The following LMNTD1 variants were observed in gnomAD, a reference collection of about 807,000 sequenced individuals.
LMNTD1 encodes lamin tail domain-containing protein 1.
LMNTD1 carries 35 observed loss-of-function variants against 50.9 expected under a neutral mutation model. The observed-to-expected ratio is 0.69, with a 90% CI of 0.53 to 0.91. LMNTD1 has a LOEUF of 0.91. LMNTD1 is among the 40% of genes least tolerant of loss of function. The pLI is 0.00. For synonymous variants in LMNTD1, 153 were observed against 161.9 expected, an observed-to-expected ratio of 0.94 and a Z score of 0.42; for missense variants, 470 against 475.5, an observed-to-expected ratio of 0.99 and a Z score of 0.11.
chr12:25,616,035 G>A (rs78377384), intron 1 of LMNTD1, among the ~76,000 whole-genome samples: 3,419 of 151,804 alleles, frequency 0.023, 103 homozygotes, highest in African/African-American at 0.071. Context: ...TCCTCATGAA[G>A]TCTACTTCTA....
intron 4 of LMNTD1, among the ~76,000 whole-genome samples, chr12:25,542,948 A>G (rs1943194324): frequency 6.6e-6 from 1 of 151,854 alleles, no homozygotes; most frequent in Non-Finnish European, 1.5e-5. Context: ...GAGAAAGGTG[A>G]TACCAATAAA....
chr12:25,565,824 C>T (rs922899532), intron 1 of LMNTD1, among the ~76,000 whole-genome samples: 1 of 152,140 alleles, frequency 6.6e-6, no homozygotes, highest in African/African-American at 2.4e-5. Flanking sequence ...GTCTTTATTT[C>T]TCCTTCATGT....
rs548803205 is a variant in LMNTD1, at chr12:25,642,002, G to A, written c.58+6492C>T. ...GTCAGAAATTCTAAAACTCAATTCA[G>A]CAACCCAAGAGTTTTCCTTACTGTA... is the stretch of plus-strand genomic sequence containing the variant. On this transcript the variant is annotated intron_variant, in intron 1 of 7. Transcript: ENST00000445693. 2.4e-4 allele frequency among the ~76,000 whole-genome samples: 37 copies of A among 152,158 alleles called. No homozygotes were observed. The South Asian group carries it at 7.7e-3, about 32-fold the overall frequency.
intron 4 of LMNTD1, among the ~76,000 whole-genome samples, chr12:25,533,115 A>C (rs1173562852): frequency 6.6e-6 from 1 of 152,194 alleles, no homozygotes; most frequent in Non-Finnish European, 1.5e-5. Context: ...TGTCTGAAGG[A>C]AAAAACAACA....
intron 1 of LMNTD1, among the ~76,000 whole-genome samples, chr12:25,574,655 C>T (rs1017011787): frequency 2.2e-4 from 33 of 152,062 alleles, no homozygotes; most frequent in African/African-American, 7.7e-4. Flanking sequence ...CTTGCTATTC[C>T]GTCCCCCAGT....
At chr12:25,506,169 T>A (rs1342859425) in intron 8 of LMNTD1, among the ~76,000 whole-genome samples, 6 of 152,254 alleles carry the variant, frequency 3.9e-5, no homozygotes, top group Non-Finnish European at 8.8e-5. Context: ...GAGCTCACAT[T>A]GATGAGATTT....
intron 1 of LMNTD1, among the ~76,000 whole-genome samples, chr12:25,575,421 C>T (rs1944963302): frequency 2.0e-5 from 3 of 152,130 alleles, no homozygotes; most frequent in Admixed American, 2.0e-4. Flanking sequence ...ATAAATGCTT[C>T]CATAAGAGAT....
rs1393259555 is a variant in LMNTD1 at position 25,594,400 on chromosome 12, C to T, written c.59-47846G>A. On this transcript the variant is annotated intron_variant, in intron 1 of 7. Coordinates refer to the LMNTD1 transcript ENST00000445693. ...CCCTATGAGCTAGAAGGGATTGGGG[C>T]CCTATCTTCAGCCTCCTCAAACAAA... is the stretch of plus-strand genomic sequence containing the variant. Among the ~76,000 whole-genome samples, 13 of 152,128 alleles carry T rather than the reference C, an allele frequency of 8.5e-5. No homozygotes were observed. The East Asian group carries it at 2.3e-3, about 27-fold the overall frequency.
intron 1 of LMNTD1, among the ~76,000 whole-genome samples, chr12:25,615,653 G>A (rs1393301454): frequency 2.0e-5 from 3 of 152,084 alleles, no homozygotes; most frequent in Admixed American, 1.3e-4. Flanking sequence ...TAGAGACAGG[G>A]TTTCAACATG....
At chr12:25,547,241 G>A (rs576678832) in intron 3 of LMNTD1, 145 of 903,008 alleles carry the variant, frequency 1.6e-4, no homozygotes, top group Middle Eastern at 5.7e-4. Context: ...AAGACGCGTC[G>A]TGATGAAGTG....
chr12:25,504,693 C>A (rs187725384), intron 8 of LMNTD1, among the ~76,000 whole-genome samples: 1 of 152,140 alleles, frequency 6.6e-6, no homozygotes, highest in Non-Finnish European at 1.5e-5. Context: ...GAAACAATAT[C>A]CAAAGCTGGA....
intron 1 of LMNTD1, among the ~76,000 whole-genome samples, chr12:25,646,051 A>T (rs829037): frequency 0.27 from 41,765 of 151,924 alleles, 6,217 homozygotes; most frequent in East Asian, 0.52. Context: ...AATAATTCTG[A>T]TGATAGGATT....
intron 1 of LMNTD1, among the ~76,000 whole-genome samples, chr12:25,566,579 A>G (rs1944567386): frequency 6.6e-6 from 1 of 152,244 alleles, no homozygotes; most frequent in Admixed American, 6.5e-5. Context: ...TCCCACCAGC[A>G]TGAGCTCTAT....
At chr12:25,633,363 G>A (rs113324557) in intron 1 of LMNTD1, among the ~76,000 whole-genome samples, 2,890 of 151,960 alleles carry the variant, frequency 0.019, 93 homozygotes, top group African/African-American at 0.066. Flanking sequence ...TCCAACAACC[G>A]CAGAACACAC....
intron 1 of LMNTD1, among the ~76,000 whole-genome samples, chr12:25,645,475 G>A (rs1380474570): frequency 2.0e-5 from 3 of 152,126 alleles, no homozygotes; most frequent in Non-Finnish European, 2.9e-5. Flanking sequence ...CATTATTACT[G>A]GATGTTCACT....
intron 6 of LMNTD1, among the ~76,000 whole-genome samples, chr12:25,523,923 A>T (rs1941524401): frequency 6.6e-6 from 1 of 152,180 alleles, no homozygotes; most frequent in Non-Finnish European, 1.5e-5. Flanking sequence ...AGCATGCGCA[A>T]AGGCCCTGTG....
intron 1 of LMNTD1, among the ~76,000 whole-genome samples, chr12:25,596,178 C>T (rs975154253): frequency 6.6e-6 from 1 of 152,062 alleles, no homozygotes; most frequent in Non-Finnish European, 1.5e-5. Context: ...CCTGTTGACA[C>T]TATTCCAGAA....
At chr12:25,616,429 A>G (rs990673208) in intron 1 of LMNTD1, among the ~76,000 whole-genome samples, 2 of 152,192 alleles carry the variant, frequency 1.3e-5, no homozygotes, top group South Asian at 2.1e-4. Context: ...AAAAAAGCCA[A>G]TCCCTAAAGG....
intron 1 of LMNTD1, among the ~76,000 whole-genome samples, chr12:25,600,671 CA>C (rs1945947631): frequency 6.6e-6 from 1 of 151,948 alleles, no homozygotes; most frequent in Admixed American, 6.6e-5. Context: ...AGAAGACATA[CA>C]AATGGCAAAC....
Sources: gnomAD v4.1 joint callset for allele counts (sites outside exome capture counted in the v4.1 genomes callset) on GRCh38, gnomAD v4.1.1 for gene constraint, MANE v1.5 for transcripts, NCBI Gene and HGNC (gene_info 2026-07-23, HGNC 2026-07-21) for gene names.